Variants in LINGO2 observed in about 807,000 individuals in gnomAD.
The protein encoded by LINGO2 is leucine rich repeat and Ig domain containing 2, also known as leucine-rich repeat and immunoglobulin-like domain-containing nogo receptor-interacting protein 2.
LINGO2 carries 14 observed loss-of-function variants against 30.6 expected under a neutral mutation model. The observed-to-expected ratio is 0.46, with a 90% confidence interval of 0.30 to 0.72. The LOEUF is 0.72. LINGO2 is among the 30% of genes least tolerant of loss of function. LINGO2 has a pLI of 0.07. For synonymous variants in LINGO2, 317 were observed against 288.5 expected (o/e 1.10, Z -1.00); for missense variants, 729 against 751.7 (o/e 0.97, Z 0.35).
chr9:28,122,631 C>T lies in LINGO2; in HGVS notation c.-86-110226G>A, dbSNP rs74761148. Among the ~76,000 whole-genome samples, 48 of 152,246 alleles carry T rather than the reference C, an allele frequency of 3.2e-4. No individual in the cohort carries two copies. The East Asian group carries it at 5.8e-3, about 18-fold the overall frequency. ...GGTTTCAGTATGAAAGTTGTACAAT[C>T]GTTCCTCCTCCTGGACTTCTTCCTG... On this transcript the variant is annotated intron_variant, in intron 4 of 5. Transcript: ENST00000379992.
chr9:29,112,363 GGC>G, the LINGO2 span, among the ~76,000 whole-genome samples: 2 of 152,052 alleles, frequency 1.3e-5, no homozygotes, highest in African/African-American at 2.4e-5. Context: ...CTAGGGACCT[GGC>G]CCAGGAATCT....
At chr9:28,400,667 G>A (rs944112506) in intron 2 of LINGO2, among the ~76,000 whole-genome samples, 5 of 152,128 alleles carry the variant, frequency 3.3e-5, no homozygotes, top group African/African-American at 1.2e-4. Flanking sequence ...AATTATCAAA[G>A]GTACCCATGA....
chr9:28,848,179 ACAC>A, the LINGO2 span, among the ~76,000 whole-genome samples: 2 of 99,746 alleles, frequency 2.0e-5, no homozygotes, highest in Non-Finnish European at 3.7e-5. Flanking sequence ...GTATATATAC[ACAC>A]TATATATACA....
chr9:27,954,161 G>C (rs1486298811), intron 5 of LINGO2, among the ~76,000 whole-genome samples: 1 of 152,096 alleles, frequency 6.6e-6, no homozygotes, highest in Non-Finnish European at 1.5e-5. Flanking sequence ...AGAGTATATA[G>C]AGTATCCATC....
intron 1 of LINGO2, among the ~76,000 whole-genome samples, chr9:28,512,636 T>TAC (rs1386783256): frequency 2.3e-3 from 14 of 6,160 alleles, no homozygotes; most frequent in Non-Finnish European, 2.7e-3. Context: ...TATATATATA[T>TAC]ACACACATAC....
At chr9:28,503,149 A>G (rs2135323930) in intron 1 of LINGO2, among the ~76,000 whole-genome samples, 1 of 152,170 alleles carries the variant, frequency 6.6e-6, no homozygotes, top group Non-Finnish European at 1.5e-5. Flanking sequence ...GGAAAGAAAC[A>G]CTTTCTGTAT....
chr9:28,891,884 T>G, the LINGO2 span, among the ~76,000 whole-genome samples: 1 of 151,934 alleles, frequency 6.6e-6, no homozygotes, highest in African/African-American at 2.4e-5. Context: ...GTGAATGCTG[T>G]AAGGCACTTA....
At chr9:28,789,732 A>T in the LINGO2 span, among the ~76,000 whole-genome samples, 1 of 152,260 alleles carries the variant, frequency 6.6e-6, no homozygotes, top group Non-Finnish European at 1.5e-5. Context: ...AAAGTTCCTT[A>T]GAATCAAGAG....
the LINGO2 span, among the ~76,000 whole-genome samples, chr9:28,825,566 TG>T: frequency 5.9e-3 from 236 of 39,742 alleles, no homozygotes; most frequent in South Asian, 0.03. Flanking sequence ...CATTTGTATC[TG>T]GTTTTTTTTT....
intron 1 of LINGO2, among the ~76,000 whole-genome samples, chr9:28,623,242 G>T (rs1826493944): frequency 6.6e-6 from 1 of 151,706 alleles, no homozygotes; most frequent in African/African-American, 2.4e-5. Flanking sequence ...GTGCTTGTGG[G>T]GTATTACTGA....
the LINGO2 span, among the ~76,000 whole-genome samples, chr9:28,761,484 GCACACA>G: frequency 5.4e-5 from 8 of 149,118 alleles, no homozygotes; most frequent in Non-Finnish European, 1.0e-4. Context: ...ATATACATGC[GCACACA>G]CACACACACG....
At chr9:28,020,486 A>G (rs1823057616) in intron 4 of LINGO2, among the ~76,000 whole-genome samples, 1 of 152,140 alleles carries the variant, frequency 6.6e-6, no homozygotes, top group African/African-American at 2.4e-5. Context: ...CCGAGATCGC[A>G]CTACTGCACT....
the LINGO2 span, among the ~76,000 whole-genome samples, chr9:28,749,397 T>C: frequency 6.6e-6 from 1 of 152,046 alleles, no homozygotes; most frequent in Admixed American, 6.6e-5. Context: ...ATTTAAACTA[T>C]ATAGAGAATA....
the LINGO2 span, among the ~76,000 whole-genome samples, chr9:29,163,260 G>A: frequency 6.6e-6 from 1 of 152,126 alleles, no homozygotes; most frequent in Admixed American, 6.5e-5. Flanking sequence ...AATGTCTGAT[G>A]TATTATTTTT....
intron 4 of LINGO2, among the ~76,000 whole-genome samples, chr9:28,215,469 G>A (rs1820732962): frequency 6.6e-6 from 1 of 151,710 alleles, no homozygotes. Context: ...TTTGCACATG[G>A]GAATTAGAAC....
rs72709323 is a variant in LINGO2 at position 28,239,185 on chromosome 9, C to T, written c.-87+56023G>A. Among the ~76,000 whole-genome samples the T allele has an allele frequency of 6.4e-3, 973 of 152,172 alleles. 10 individuals carry two copies. Among genetic ancestry groups the T allele is most frequent in the Non-Finnish European group, 9.0e-3 (609 of 67,952 alleles). ...TAAAGAAAAACCCAGGACAAGATGG[C>T]TTCACTGCTGAATTCTACCAATCAT... On this transcript the variant is annotated intron_variant, in intron 4 of 5. Coordinates refer to ENST00000379992, the Ensembl canonical transcript of LINGO2.
At chr9:28,258,184 C>A (rs1161714996) in intron 4 of LINGO2, among the ~76,000 whole-genome samples, 3 of 151,870 alleles carry the variant, frequency 2.0e-5, no homozygotes, top group African/African-American at 7.2e-5. Flanking sequence ...TTTTAAACCA[C>A]TTCACAAATA....
At chr9:29,072,947 C>T in the LINGO2 span, among the ~76,000 whole-genome samples, 1 of 147,814 alleles carries the variant, frequency 6.8e-6, no homozygotes, top group African/African-American at 2.5e-5. Flanking sequence ...TCTCTCTCTC[C>T]CCTCCCCTCC....
intron 4 of LINGO2, among the ~76,000 whole-genome samples, chr9:28,155,422 G>A (rs1384220151): frequency 6.6e-6 from 1 of 152,186 alleles, no homozygotes; most frequent in Non-Finnish European, 1.5e-5. Context: ...ATTTCCTTAT[G>A]TCTACTCCTG....
Sources: allele counts gnomAD v4.1 joint callset (sites outside exome capture counted in the v4.1 genomes callset), GRCh38; gene constraint gnomAD v4.1.1; transcripts MANE v1.5; gene names NCBI Gene and HGNC (gene_info 2026-07-23, HGNC 2026-07-21).